The following SBF2 variants were observed in gnomAD, a reference collection of about 807,000 sequenced individuals.
The protein encoded by SBF2 is SET binding factor 2.
SBF2 carries 112 observed loss-of-function variants against 225.2 expected under a neutral mutation model. The ratio of observed to expected loss-of-function variants is 0.50; its 90% CI spans 0.43 to 0.58. SBF2 has a LOEUF of 0.58. SBF2 is among the 20% of genes least tolerant of loss of function. The probability of loss-of-function intolerance (pLI) is 0.00; values close to 1 mark genes in which losing one functional copy is unlikely to be tolerated. For missense variants in SBF2, 1,996 were observed against 2,206.2 expected, an observed-to-expected ratio of 0.90 and a Z score of 1.91; for synonymous variants, 763 against 773.3, an observed-to-expected ratio of 0.99 and a Z score of 0.22.
chr11:9,973,569 T>G (rs1590650386), intron 13 of SBF2, among the ~76,000 whole-genome samples: 2 of 152,190 alleles, frequency 1.3e-5, no homozygotes, highest in Admixed American at 1.3e-4. Context: ...TAATCCTGCT[T>G]TAAGAGTATA....
intron 33 of SBF2, among the ~76,000 whole-genome samples, chr11:9,794,676 C>CAAAAAAA (rs575749593): frequency 0.095 from 3,355 of 35,340 alleles, 1,230 homozygotes; most frequent in African/African-American, 0.13. Flanking sequence ...GACTCCGTCT[C>CAAAAAAA]AAAAAAAAAA....
chr11:10,193,512 G>C (rs568414419), intron 2 of SBF2, among the ~76,000 whole-genome samples: 1 of 151,684 alleles, frequency 6.6e-6, no homozygotes, highest in African/African-American at 2.4e-5. Flanking sequence ...CCGCCACCAC[G>C]CCCGGCTAAT....
rs556594133 is a variant in SBF2, at chr11:9,842,726, T to C, written c.3155A>G (p.Lys1052Arg). Reference protein sequence around the residue: ...TIVKGAKRAGKMTIGRQYLLK... With the variant: ...TIVKGAKRAGRMTIGRQYLLK... Reference sequence around the variant, plus strand: ...TAAATATTGCCGCCCAATTGTCATTTTCCCTGCCCTTTTGGCACCTTTCAC... The same window carrying C: ...TAAATATTGCCGCCCAATTGTCATTCTCCCTGCCCTTTTGGCACCTTTCAC... The change falls in exon 25 of 40, where the codon AAA becomes AGA. Residue 1052 changes from lysine (K) to arginine (R), a missense_variant. Coordinates refer to ENST00000256190, the MANE Select transcript of SBF2 (RefSeq NM_030962.4). The C allele has an allele frequency of 9.9e-6, 16 of 1,614,178 alleles. No homozygotes were observed. The Admixed American group carries it at 1.0e-4, about 10-fold the overall frequency.
chr11:10,148,720 C>T (rs1262399730), intron 2 of SBF2, among the ~76,000 whole-genome samples: 1 of 150,614 alleles, frequency 6.6e-6, no homozygotes, highest in East Asian at 1.9e-4. Flanking sequence ...CATGGGGAAA[C>T]AGAGAAAGGA....
intron 2 of SBF2, among the ~76,000 whole-genome samples, chr11:10,125,592 C>T (rs535660239): frequency 1.4e-3 from 211 of 152,162 alleles, no homozygotes; most frequent in Middle Eastern, 6.8e-3. Context: ...AGAATACAGT[C>T]CTTATATACC....
chr11:10,260,689 C>T (rs1315333892), intron 1 of SBF2, among the ~76,000 whole-genome samples: 7 of 134,588 alleles, frequency 5.2e-5, no homozygotes, highest in Admixed American at 3.3e-4. Flanking sequence ...GGCAACAGAG[C>T]GAGATTCCAT....
At chr11:10,162,725 T>C (rs2135215827) in intron 2 of SBF2, among the ~76,000 whole-genome samples, 1 of 152,292 alleles carries the variant, frequency 6.6e-6, no homozygotes, top group Admixed American at 6.5e-5. Flanking sequence ...TTTAAAACAT[T>C]GAATGAACAG....
At chr11:10,179,170 A>C (rs911375190) in intron 2 of SBF2, among the ~76,000 whole-genome samples, 6 of 151,250 alleles carry the variant, frequency 4.0e-5, no homozygotes, top group African/African-American at 1.5e-4. Context: ...CAGGAAGGGG[A>C]ACATCACACT....
chr11:10,267,039 G>T (rs1962066675), intron 1 of SBF2, among the ~76,000 whole-genome samples: 1 of 152,086 alleles, frequency 6.6e-6, no homozygotes, highest in Non-Finnish European at 1.5e-5. Context: ...AGTTGCAATG[G>T]GCCGAGATCG....
rs546227454 is a variant in SBF2, at chr11:10,018,586, G to A, written c.619+9866C>T. Among the ~76,000 whole-genome samples the A allele has an allele frequency of 3.4e-4, 52 of 152,248 alleles. 1 individual carries two copies. The highest frequency in any genetic ancestry group is 6.8e-3 in the Middle Eastern group (2 of 294). Reference sequence around the variant, plus strand: ...TTATAGATAATTCAATGCAAAGATAGAGCTATTTAATATTAGCATCTACGT... The same window carrying A: ...TTATAGATAATTCAATGCAAAGATAAAGCTATTTAATATTAGCATCTACGT... On this transcript the variant is annotated intron_variant, in intron 6 of 39. Coordinates refer to ENST00000256190, the MANE Select transcript of SBF2 (RefSeq NM_030962.4).
intron 1 of SBF2, among the ~76,000 whole-genome samples, chr11:10,243,500 GA>G (rs1019006190): frequency 4.0e-5 from 6 of 149,720 alleles, no homozygotes; most frequent in East Asian, 2.0e-4. Context: ...AAAGAGACGA[GA>G]AAAAAAATTT....
At chr11:9,987,242 T>C (rs1393033061) in intron 13 of SBF2, among the ~76,000 whole-genome samples, 5 of 152,102 alleles carry the variant, frequency 3.3e-5, no homozygotes, top group Admixed American at 3.3e-4. Flanking sequence ...TGATTAAAGC[T>C]CTCAGCAGAA....
At chr11:10,241,449 GTAAA>G (rs961522128) in intron 1 of SBF2, among the ~76,000 whole-genome samples, 1 of 151,908 alleles carries the variant, frequency 6.6e-6, no homozygotes, top group African/African-American at 2.4e-5. Context: ...AATGAAGGAA[GTAAA>G]TAAAGATGAG....
At chr11:9,909,992 C>T (rs1862463600) in intron 16 of SBF2, among the ~76,000 whole-genome samples, 1 of 152,114 alleles carries the variant, frequency 6.6e-6, no homozygotes, top group African/African-American at 2.4e-5. Flanking sequence ...TGGACTCTTA[C>T]TTCAAACTAC....
intron 2 of SBF2, among the ~76,000 whole-genome samples, chr11:10,130,422 T>C (rs977503415): frequency 6.6e-6 from 1 of 151,982 alleles, no homozygotes; most frequent in African/African-American, 2.4e-5. Flanking sequence ...CCTTAAACAA[T>C]TTTTTTAGTT....
chr11:10,062,183 A>G (rs1407430909), intron 2 of SBF2, among the ~76,000 whole-genome samples: 3 of 152,242 alleles, frequency 2.0e-5, no homozygotes, highest in African/African-American at 7.2e-5. Flanking sequence ...ATATACAAAA[A>G]TCAACTCATG....
At chr11:10,284,451 A>G (rs1963611618) in intron 1 of SBF2, among the ~76,000 whole-genome samples, 1 of 152,170 alleles carries the variant, frequency 6.6e-6, no homozygotes, top group African/African-American at 2.4e-5. Context: ...CCATATTTTC[A>G]ACAACTGTGT....
At chr11:10,230,578 T>C (rs1379712253) in intron 1 of SBF2, among the ~76,000 whole-genome samples, 3 of 152,222 alleles carry the variant, frequency 2.0e-5, no homozygotes, top group East Asian at 1.9e-4. Flanking sequence ...GAAGCTTAGT[T>C]TGGCTGGATA....
chr11:9,878,045 C>A (rs1003555466), intron 17 of SBF2, among the ~76,000 whole-genome samples: 1 of 152,154 alleles, frequency 6.6e-6, no homozygotes, highest in South Asian at 2.1e-4. Flanking sequence ...TCTCCACATC[C>A]GCTCCAGCAT....
Sources: allele counts gnomAD v4.1 joint callset (sites outside exome capture counted in the v4.1 genomes callset), GRCh38; gene constraint gnomAD v4.1.1; transcripts MANE v1.5; gene names NCBI Gene and HGNC (gene_info 2026-07-23, HGNC 2026-07-21).